SORCS1: variants seen among roughly 807,000 people sequenced by gnomAD.
SORCS1 encodes the protein VPS10 domain-containing receptor SorCS1.
A neutral mutation model predicts 146.1 loss-of-function variants in SORCS1; 60 were observed. The ratio of observed to expected loss-of-function variants is 0.41; its 90% CI spans 0.33 to 0.51. SORCS1 has a LOEUF of 0.51. Ranked by LOEUF, SORCS1 falls within the 20% of genes least tolerant of loss-of-function variation. The pLI, the probability that SORCS1 is intolerant of heterozygous loss-of-function variation, is 0.21. For synonymous variants in SORCS1, 637 were observed against 584.0 expected (o/e 1.09, Z -1.31); for missense variants, 1,352 against 1,487.6 (o/e 0.91, Z 1.50).
chr10:106,743,621 C>T (rs1564921670), intron 5 of SORCS1, among the ~76,000 whole-genome samples: 1 of 152,026 alleles, frequency 6.6e-6, no homozygotes, highest in South Asian at 2.1e-4. Flanking sequence ...GACGGGGTTT[C>T]ACCATGTTGG....
At chr10:106,841,962 T>C (rs143199420) in intron 2 of SORCS1, among the ~76,000 whole-genome samples, 8 of 152,312 alleles carry the variant, frequency 5.3e-5, no homozygotes, top group East Asian at 1.9e-4. Flanking sequence ...GATTGCTGGA[T>C]TGTATATTGA....
intron 1 of SORCS1, among the ~76,000 whole-genome samples, chr10:107,068,283 T>C (rs76446941): frequency 0.034 from 5,120 of 152,206 alleles, 270 homozygotes; most frequent in African/African-American, 0.11. Context: ...GTTTTTCCTA[T>C]CAATTTCCTC....
At chr10:107,048,464 A>G (rs563981216) in intron 1 of SORCS1, among the ~76,000 whole-genome samples, 1 of 152,230 alleles carries the variant, frequency 6.6e-6, no homozygotes, top group Non-Finnish European at 1.5e-5. Flanking sequence ...TTAGGGTATA[A>G]ATTCCACCAA....
chr10:107,014,253 C>CAAAAAAAAA (rs562179526), intron 1 of SORCS1, among the ~76,000 whole-genome samples: 1 of 79,354 alleles, frequency 1.3e-5, no homozygotes, highest in African/African-American at 6.3e-5. Flanking sequence ...GACCCTGCGT[C>CAAAAAAAAA]AAAAAAAAAA....
chr10:106,722,136 C>CACACACAA (rs1395647175), intron 6 of SORCS1, among the ~76,000 whole-genome samples: 11 of 151,692 alleles, frequency 7.3e-5, no homozygotes, highest in Non-Finnish European at 1.5e-5. Context: ...CACACACACA[C>CACACACAA]ACACACACAC....
intron 1 of SORCS1, among the ~76,000 whole-genome samples, chr10:106,968,821 CAG>C (rs1452491798): frequency 1.3e-5 from 2 of 152,000 alleles, no homozygotes; most frequent in Admixed American, 6.6e-5. Context: ...AATAAAACAC[CAG>C]AGAGAGTCAA....
intron 2 of SORCS1, among the ~76,000 whole-genome samples, chr10:106,912,440 A>G (rs1952212845): frequency 6.6e-6 from 1 of 152,066 alleles, no homozygotes; most frequent in Admixed American, 6.6e-5. Flanking sequence ...CTCACTCCCA[A>G]CCTAAAGCAA....
intron 3 of SORCS1, among the ~76,000 whole-genome samples, chr10:106,789,362 G>A (rs1176135205): frequency 6.6e-5 from 10 of 152,136 alleles, no homozygotes; most frequent in Non-Finnish European, 1.5e-4. Context: ...CAGAAAATGG[G>A]TTTTTCTTTT....
intron 18 of SORCS1, among the ~76,000 whole-genome samples, chr10:106,631,034 G>A (rs748469292): frequency 2.6e-5 from 4 of 152,130 alleles, no homozygotes; most frequent in Non-Finnish European, 4.4e-5. Flanking sequence ...AACTAGAAAT[G>A]TATTTTCGAT....
chr10:106,620,407 G>A (rs368358829), intron 20 of SORCS1, 21 bp downstream of exon 20: 20 of 1,604,206 alleles, frequency 1.2e-5, no homozygotes, highest in Admixed American at 1.7e-5. Flanking sequence ...TCCCTAGATC[G>A]CATGTGGAAG....
chr10:107,023,244 ACACTG>A (rs1201236521), intron 1 of SORCS1, among the ~76,000 whole-genome samples: 1 of 152,168 alleles, frequency 6.6e-6, no homozygotes, highest in Non-Finnish European at 1.5e-5. Context: ...TATTCTTAGT[ACACTG>A]CTTTTTCACT....
intron 3 of SORCS1, among the ~76,000 whole-genome samples, chr10:106,810,344 G>A (rs1042956766): frequency 5.3e-5 from 8 of 152,162 alleles, no homozygotes; most frequent in Non-Finnish European, 1.2e-4. Flanking sequence ...TGCAGGCAAT[G>A]ATATATGTTA....
intron 1 of SORCS1, among the ~76,000 whole-genome samples, chr10:107,143,754 T>C (rs1968047744): frequency 6.6e-6 from 1 of 152,258 alleles, no homozygotes; most frequent in East Asian, 1.9e-4. Context: ...TCTGCCCGCC[T>C]TGGCCTCCCA....
chr10:106,978,663 T>C (rs1286474307), intron 1 of SORCS1, among the ~76,000 whole-genome samples: 1 of 151,978 alleles, frequency 6.6e-6, no homozygotes, highest in Non-Finnish European at 1.5e-5. Context: ...CCAGGTGTGG[T>C]GGCGTGCACC....
At chr10:107,132,710 T>G (rs1447816568) in intron 1 of SORCS1, among the ~76,000 whole-genome samples, 1 of 152,216 alleles carries the variant, frequency 6.6e-6, no homozygotes, top group African/African-American at 2.4e-5. Context: ...CCTAGTTCCA[T>G]TCAAACAATC....
Position 106,688,232 on chromosome 10 carries a change from G to C in SORCS1, c.1520C>G (p.Pro507Arg). 1 of 1,613,996 alleles carries C rather than the reference G, an allele frequency of 6.2e-7. No individual in the cohort carries two copies. Among genetic ancestry groups the C allele is most frequent in the Non-Finnish European group, 8.5e-7 (1 of 1,179,924 alleles). The change falls in exon 10 of 26, where the codon CCG (proline) becomes CGG (arginine). Residue 507 changes from proline to arginine, a missense_variant. Physicochemically the swap from Pro to Arg is moderately radical, Grantham distance 103. This residue lies in a region of SORCS1 where 648 missense variants were observed against 793.8 expected (regional missense o/e 0.82). Transcript: ENST00000263054. Reference sequence around the variant, plus strand: ...GGGGTCCCCCCTTAGATCCGTGTCCGGCGCCTGCAGCAAACGCCAGTCTCT... The same window carrying C: ...GGGGTCCCCCCTTAGATCCGTGTCCCGCGCCTGCAGCAAACGCCAGTCTCT... ...KGRDWRLLQA[P>R]DTDLRGDPVH...
intron 24 of SORCS1, among the ~76,000 whole-genome samples, chr10:106,582,454 C>T (rs1385066759): frequency 1.3e-5 from 2 of 152,166 alleles, no homozygotes; most frequent in African/African-American, 4.8e-5. Flanking sequence ...CCCTCTGTTC[C>T]GTGGGTGGTG....
chr10:106,825,354 G>A lies in SORCS1; in HGVS notation c.726+4220C>T, dbSNP rs150749677. On this transcript the variant is annotated intron_variant, in intron 3 of 25. Transcript: ENST00000263054. ...TGGCGCGATCTCAGCTCACTGTAAC[G>A]TCCGTCTCCCAGGTTCACGCCATTC... 8.6e-3 allele frequency among the ~76,000 whole-genome samples: 1,243 copies of A among 144,372 alleles called. 17 individuals are homozygous for A. The highest frequency in any genetic ancestry group is 0.031 in the African/African-American group (1,188 of 38,732). The allele number at this position is 144,372 out of a possible 152,430, so 94.7% of individuals were successfully genotyped here. A position where few individuals can be genotyped will look rare whatever the true frequency, so the allele number is the denominator to read the frequency against.
chr10:106,686,310 G>A (rs560457160), intron 10 of SORCS1, among the ~76,000 whole-genome samples: 9 of 152,282 alleles, frequency 5.9e-5, no homozygotes, highest in South Asian at 2.1e-4. Flanking sequence ...CTGACACTGC[G>A]TTGGGGGTGA....
Sources: gnomAD v4.1 joint callset for allele counts (sites outside exome capture counted in the v4.1 genomes callset) on GRCh38, gnomAD v4.1.1 for gene constraint, gnomAD v4.1.1 regional missense constraint, MANE v1.5 for transcripts, NCBI Gene and HGNC (gene_info 2026-07-23, HGNC 2026-07-21) for gene names.